The following CHD1L variants were observed in gnomAD, a reference collection of about 807,000 sequenced individuals.
CHD1L encodes chromodomain helicase DNA binding protein 1 like.
CHD1L carries 118 observed loss-of-function variants against 115.9 expected under a neutral mutation model. That is an observed-to-expected ratio of 1.02 (90% CI 0.88 to 1.19). CHD1L has a LOEUF of 1.19. CHD1L is among the 50% of genes most tolerant of loss of function. The pLI, the probability that CHD1L is intolerant of heterozygous loss-of-function variation, is 0.00. For missense variants in CHD1L, 1,179 were observed against 1,065.3 expected (o/e 1.11, Z -1.49); for synonymous variants, 411 against 387.1 (o/e 1.06, Z -0.72).
At chr1:147,275,796 A>AAAG (rs1491584178) in intron 13 of CHD1L, among the ~76,000 whole-genome samples, 1 of 143,198 alleles carries the variant, frequency 7.0e-6, no homozygotes, top group African/African-American at 2.6e-5. Context: ...AAAAAAAAAA[A>AAAG]GAAAGATAGA....
rs587684982 is a variant in CHD1L, at chr1:147,281,294, A to T, written c.1705+1103A>T. On this transcript the variant is annotated intron_variant, in intron 15 of 22. Coordinates refer to ENST00000369258, the MANE Select transcript of CHD1L (RefSeq NM_004284.6). ...TTTGTGGGTAACTTTTATCTGTCTG[A>T]CCTTTCTGGAACCCTCCTGCCCTCT... is the stretch of plus-strand genomic sequence containing the variant. Among the ~76,000 whole-genome samples the T allele has an allele frequency of 2.6e-4, 39 of 151,810 alleles. No individual in the cohort carries two copies. The South Asian group carries it at 7.5e-3, about 29-fold the overall frequency.
chr1:147,225,694 C>T, the CHD1L span: 3 of 152,694 alleles, frequency 2.0e-5, no homozygotes, highest in Non-Finnish European at 2.9e-5. Flanking sequence ...AACCCCAAAG[C>T]CAGTTCTACT....
At position 147,259,560 on chromosome 1, in the gene CHD1L, A is replaced by G. The variant is rs115214494; in HGVS notation, c.495-277A>G. ...AGTGTCTGGCACAAAGTAGGAGATCATAAATGTTTCCTTTTCCTTTCTGTC... is the reference window on the plus strand; with the variant it reads ...AGTGTCTGGCACAAAGTAGGAGATCGTAAATGTTTCCTTTTCCTTTCTGTC... On this transcript the variant is annotated intron_variant, in intron 5 of 22. Transcript: ENST00000369258. 6.4e-3 allele frequency: 1,759 copies of G among 276,668 alleles called. 5 individuals carry two copies. The highest frequency in any genetic ancestry group is 0.017 in the Middle Eastern group (14 of 844). 17.1% of individuals were successfully genotyped at this position (276,668 alleles called of 1,614,324 possible).
At chr1:147,272,095 T>C in intron 11 of CHD1L, 76 bp from the exon 12 acceptor site, 1 of 1,312,948 alleles carries the variant, frequency 7.6e-7, no homozygotes, top group Non-Finnish European at 1.1e-6. Flanking sequence ...GGCCTTTGGT[T>C]TTGGGCTTAA....
At chr1:147,272,772 A>G (rs1393756653) in intron 12 of CHD1L, among the ~76,000 whole-genome samples, 3 of 152,208 alleles carry the variant, frequency 2.0e-5, no homozygotes, top group Non-Finnish European at 4.4e-5. Context: ...CATCATCCAT[A>G]TATGATTTAA....
intron 12 of CHD1L, 190 bp downstream of exon 12, chr1:147,272,471 A>G (rs1193981278): frequency 1.2e-5 from 6 of 481,482 alleles, no homozygotes; most frequent in Admixed American, 3.9e-5. Context: ...CATCTCAGCA[A>G]AGAAGTAAGG....
the CHD1L span, among the ~76,000 whole-genome samples, chr1:147,233,534 G>A: frequency 3.0e-4 from 44 of 148,840 alleles, no homozygotes; most frequent in African/African-American, 8.6e-4. Flanking sequence ...GCCTCTGCCC[G>A]GCCGCCCCTA....
At chr1:147,264,233 T>A (rs1553946261) in intron 6 of CHD1L, among the ~76,000 whole-genome samples, 189 bp from the exon 7 acceptor site, 1 of 152,208 alleles carries the variant, frequency 6.6e-6, no homozygotes. Flanking sequence ...TAGTTGAAAC[T>A]GAAGAGGTAT....
At chr1:147,195,314 G>A in the CHD1L span, among the ~76,000 whole-genome samples, 1 of 151,352 alleles carries the variant, frequency 6.6e-6, no homozygotes, top group African/African-American at 2.4e-5. Flanking sequence ...TGTAGTTTTA[G>A]TAGAGACGAG....
At chr1:147,198,578 C>G in the CHD1L span, among the ~76,000 whole-genome samples, 1 of 151,736 alleles carries the variant, frequency 6.6e-6, no homozygotes, top group Non-Finnish European at 1.5e-5. Context: ...AGGCCGGGTA[C>G]AGTGACTCAT....
intron 3 of CHD1L, among the ~76,000 whole-genome samples, chr1:147,255,222 A>G (rs1669697200): frequency 6.6e-6 from 1 of 152,112 alleles, no homozygotes; most frequent in Admixed American, 6.6e-5. Context: ...AGTAGAAGCC[A>G]TTGTTTTTTG....
intron 19 of CHD1L, among the ~76,000 whole-genome samples, chr1:147,287,940 GAAT>G (rs1683901246): frequency 2.6e-5 from 4 of 152,306 alleles, no homozygotes; most frequent in African/African-American, 9.6e-5. Context: ...TGTGATTTGT[GAAT>G]AATACTTGTT....
chr1:147,293,533 G>C lies in CHD1L; in HGVS notation c.2392-75G>C, dbSNP rs587618073. ...CAAGTGACCCATCAAGGGCTGTGCCGCCTCCATGGGCGGTCACTTGGTTGA... is the reference window on the plus strand; with the variant it reads ...CAAGTGACCCATCAAGGGCTGTGCCCCCTCCATGGGCGGTCACTTGGTTGA... On this transcript the variant is annotated intron_variant, in intron 20 of 22. Coordinates refer to ENST00000369258, the MANE Select transcript of CHD1L (RefSeq NM_004284.6). 8.1e-6 allele frequency: 10 copies of C among 1,240,704 alleles called. No homozygotes were observed. In the East Asian group the frequency reaches 2.1e-4, roughly 26 times the overall value. The allele number at this position is 1,240,704 out of a possible 1,614,324, so 76.9% of individuals were successfully genotyped here. A position where few individuals can be genotyped will look rare whatever the true frequency, so the allele number is the denominator to read the frequency against.
Position 147,264,451 on chromosome 1 carries a change from CG to C in CHD1L, c.608del (p.Gly203GlufsTer57). 1 of 1,612,138 alleles carries C rather than the reference CG, an allele frequency of 6.2e-7. No homozygotes were observed. The highest frequency in any genetic ancestry group is 1.1e-5 in the South Asian group (1 of 90,634). On this transcript the variant is annotated frameshift_variant, in exon 7 of 23. Transcript: ENST00000369258. LOFTEE classifies it high-confidence loss of function. ...CAGTAGTCTTCAGTCTCCTGTTGACCGGAACTCCCATCCAGAACAGCCTCCA... is the reference window on the plus strand; with the variant it reads ...CAGTAGTCTTCAGTCTCCTGTTGACCGAACTCCCATCCAGAACAGCCTCCA... ...FSVVFSLLLT[G>X]TPIQNSLQEL...
the CHD1L span, among the ~76,000 whole-genome samples, chr1:147,203,114 C>CTTT: frequency 0.54 from 79,072 of 147,682 alleles, 21,638 homozygotes; most frequent in Non-Finnish European, 0.6. Flanking sequence ...CAAAGGTTTC[C>CTTT]TTTTTTTTTT....
intron 6 of CHD1L, among the ~76,000 whole-genome samples, chr1:147,261,246 G>A (rs1559771130): frequency 6.6e-6 from 1 of 152,102 alleles, no homozygotes; most frequent in African/African-American, 2.4e-5. Flanking sequence ...TAATTCATAT[G>A]AGCAGAAATT....
chr1:147,245,153 A>T (rs1553933098), intron 1 of CHD1L, among the ~76,000 whole-genome samples: 1 of 152,210 alleles, frequency 6.6e-6, no homozygotes, highest in East Asian at 1.9e-4. Context: ...ACAGAAGGGC[A>T]AAAGAATCTA....
chr1:147,225,156 A>G, the CHD1L span: 2 of 1,543,614 alleles, frequency 1.3e-6, no homozygotes, highest in Middle Eastern at 1.7e-4. Flanking sequence ...TAAATTCTGT[A>G]CAAGAGGTGT....
the CHD1L span, chr1:147,201,535 A>T: frequency 1.3e-6 from 2 of 1,555,116 alleles, no homozygotes; most frequent in East Asian, 4.5e-5. Context: ...CAAGTGGAGA[A>T]ATGAGAGAAA....
Sources: gnomAD v4.1 joint callset for allele counts (sites outside exome capture counted in the v4.1 genomes callset) on GRCh38, gnomAD v4.1.1 for gene constraint, MANE v1.5 for transcripts, NCBI Gene and HGNC (gene_info 2026-07-23, HGNC 2026-07-21) for gene names.